MILR1: variants seen among roughly 807,000 people sequenced by gnomAD.
MILR1 encodes mast cell immunoglobulin like receptor 1.
Under a neutral mutation model 18.5 loss-of-function variants are expected in MILR1, and 31 were observed. The observed-to-expected ratio is 1.68, with a 90% CI of 1.26 to 2.26. MILR1 has a LOEUF of 2.26. Among genes scored for constraint, MILR1 ranks in the 30% most tolerant of loss-of-function variants. The pLI, the probability that MILR1 is intolerant of heterozygous loss-of-function variation, is 0.00. For missense variants in MILR1, 257 were observed against 157.4 expected (o/e 1.63, Z -3.38); for synonymous variants, 85 against 56.2 (o/e 1.51, Z -2.30).
At chr17:64,458,909 T>TG (rs2037361836) in intron 4 of MILR1, among the ~76,000 whole-genome samples, 2 of 152,018 alleles carry the variant, frequency 1.3e-5, no homozygotes, top group South Asian at 2.1e-4. Context: ...GAGCTGTTTA[T>TG]GGGGGGTGTG....
chr17:64,483,221 G>T, the MILR1 span, among the ~76,000 whole-genome samples: 4 of 152,112 alleles, frequency 2.6e-5, no homozygotes. Flanking sequence ...TTGGCAGAAA[G>T]AAATTAATTT....
downstream of MILR1, among the ~76,000 whole-genome samples, chr17:64,470,364 G>T (rs2037669098): frequency 6.6e-6 from 1 of 152,198 alleles, no homozygotes; most frequent in Admixed American, 6.5e-5. Context: ...AAAGTGCTGG[G>T]ATTACAGGCA....
chr17:64,455,620 A>AT (rs878942450), intron 3 of MILR1, among the ~76,000 whole-genome samples: 38,329 of 143,662 alleles, frequency 0.27, 5,066 homozygotes, highest in South Asian at 0.3. Flanking sequence ...CGCCTGGCTA[A>AT]TTTTTTTTTT....
chr17:64,460,818 C>G lies in MILR1; in HGVS notation c.653-4C>G. The G allele has an allele frequency of 2.1e-6, 1 of 475,016 alleles. No individual in the cohort carries two copies. Among genetic ancestry groups the G allele is most frequent in the Non-Finnish European group, 3.9e-6 (1 of 258,756 alleles). 29.4% of individuals were successfully genotyped at this position (475,016 alleles called of 1,614,324 possible). A position where few individuals can be genotyped will look rare whatever the true frequency, so the allele number is the denominator to read the frequency against. On this transcript the variant is annotated splice_polypyrimidine_tract_variant and splice_region_variant and intron_variant, in intron 4 of 9. Coordinates refer to ENST00000619286, the MANE Select transcript of MILR1 (RefSeq NM_001085423.2). Reference sequence around the variant, plus strand: ...GGTCACCAATGGATGCGGTCTTCTTCCAGGCGGAGACAGCTGTCCTTTCTG... The same window carrying G: ...GGTCACCAATGGATGCGGTCTTCTTGCAGGCGGAGACAGCTGTCCTTTCTG...
the MILR1 span, chr17:64,477,864 C>T: frequency 1.2e-4 from 193 of 1,610,222 alleles, 2 homozygotes; most frequent in South Asian, 1.8e-3. Context: ...ATCAAAAAGT[C>T]TTTTAATTTG....
intron 2 of MILR1, among the ~76,000 whole-genome samples, chr17:64,450,024 T>C (rs2037131252): frequency 6.6e-6 from 1 of 151,474 alleles, no homozygotes; most frequent in African/African-American, 2.4e-5. Context: ...CTGCAACCTC[T>C]GCCTCCCAGG....
intron 2 of MILR1, among the ~76,000 whole-genome samples, chr17:64,451,508 A>G (rs2037169579): frequency 6.6e-6 from 1 of 152,120 alleles, no homozygotes; most frequent in South Asian, 2.1e-4. Context: ...TTTAATTTGC[A>G]GTTGCCTCAT....
intron 2 of MILR1, 89 bp downstream of exon 2, chr17:64,449,444 T>G: frequency 2.4e-6 from 1 of 415,022 alleles, no homozygotes; most frequent in Non-Finnish European, 4.4e-6. Context: ...CATTCAAAAG[T>G]GTTTCTGAGC....
chr17:64,460,930 CAAGT>C lies in MILR1; in HGVS notation c.763+3_763+6del. The stretch of plus-strand genomic sequence containing the variant: ...TTTTGGGTACTGCCCAAATACAAAA[CAAGT>C]AAGTTCTTTTAGTCGCTTTACCACC... On this transcript the variant is annotated splice_donor_variant and coding_sequence_variant, in exon 5 of 10. Transcript: ENST00000619286. LOFTEE classifies it high-confidence loss of function. 2.1e-6 allele frequency: 1 copy of C among 474,466 alleles called. No homozygotes were observed. The highest frequency in any genetic ancestry group is 3.2e-5 in the Admixed American group (1 of 31,702). 29.4% of individuals were successfully genotyped at this position (474,466 alleles called of 1,614,324 possible).
chr17:64,454,128 C>T (rs1043886974), intron 3 of MILR1, among the ~76,000 whole-genome samples: 1 of 151,934 alleles, frequency 6.6e-6, no homozygotes, highest in African/African-American at 2.4e-5. Flanking sequence ...TGGGGTTTCA[C>T]CATGTTGACC....
At chr17:64,452,904 T>C (rs1438058409) in intron 3 of MILR1, 38 bp downstream of exon 3, 3 of 471,168 alleles carry the variant, frequency 6.4e-6, no homozygotes, top group Non-Finnish European at 1.2e-5. Flanking sequence ...CCCTATAATT[T>C]ATAGGGTGCT....
At chr17:64,453,340 A>G (rs2037217201) in intron 3 of MILR1, among the ~76,000 whole-genome samples, 1 of 152,062 alleles carries the variant, frequency 6.6e-6, no homozygotes, top group Admixed American at 6.6e-5. Context: ...AAATGCTGGG[A>G]TTACAGATGT....
intron 5 of MILR1, among the ~76,000 whole-genome samples, chr17:64,462,381 C>G (rs1485896062): frequency 6.6e-6 from 1 of 152,112 alleles, no homozygotes; most frequent in Non-Finnish European, 1.5e-5. Flanking sequence ...GAACAGTGTT[C>G]ATTTCGCACT....
In MILR1 at chr17:64,452,756, C is replaced by T. The variant is rs1340657666; in HGVS notation, c.257C>T (p.Ala86Val). ...ACCCAGGATGGAAAAGGTGAACCTGCGATTTTTAACCTAAGCATCACAGAA... is the reference window on the plus strand; with the variant it reads ...ACCCAGGATGGAAAAGGTGAACCTGTGATTTTTAACCTAAGCATCACAGAA... ...LGTQDGKGEP[A>V]IFNLSITEAH... The change falls in exon 3 of 10, where the codon GCG becomes GTG. Residue 86 changes from alanine to valine, a missense_variant. By Grantham distance (64) the Ala-to-Val change is moderately conservative. Transcript: ENST00000619286. The T allele has an allele frequency of 1.1e-4, 50 of 475,136 alleles. No homozygotes were observed. In the Admixed American group the frequency reaches 1.1e-3, roughly 10 times the overall value. 29.4% of individuals were successfully genotyped at this position (475,136 alleles called of 1,614,324 possible).
At chr17:64,483,350 C>A in the MILR1 span, among the ~76,000 whole-genome samples, 2 of 151,114 alleles carry the variant, frequency 1.3e-5, no homozygotes, top group African/African-American at 2.5e-5. Flanking sequence ...CTTCTCTCTA[C>A]CAAAAAAATA....
the MILR1 span, among the ~76,000 whole-genome samples, chr17:64,475,517 G>A: frequency 4.0e-5 from 6 of 151,298 alleles, no homozygotes; most frequent in Non-Finnish European, 8.8e-5. Context: ...GCATGGTGGC[G>A]CATGCCTGTA....
At chr17:64,484,863 C>G in the MILR1 span, among the ~76,000 whole-genome samples, 1 of 152,132 alleles carries the variant, frequency 6.6e-6, no homozygotes, top group Non-Finnish European at 1.5e-5. Context: ...CCCAGCTGAA[C>G]ACTCAACATT....
chr17:64,474,676 ATT>A, the MILR1 span, among the ~76,000 whole-genome samples: 2 of 150,640 alleles, frequency 1.3e-5, no homozygotes, highest in Non-Finnish European at 3.0e-5. Flanking sequence ...CATCTGGCCA[ATT>A]TTTTTTTCAG....
intron 3 of MILR1, among the ~76,000 whole-genome samples, chr17:64,453,986 G>A (rs1387204243): frequency 1.3e-5 from 2 of 151,986 alleles, no homozygotes; most frequent in Non-Finnish European, 1.5e-5. Flanking sequence ...CTGGAGTGCA[G>A]TGGTGCGATC....
Sources: allele counts gnomAD v4.1 joint callset (sites outside exome capture counted in the v4.1 genomes callset), GRCh38; gene constraint gnomAD v4.1.1; transcripts MANE v1.5; gene names NCBI Gene and HGNC (gene_info 2026-07-23, HGNC 2026-07-21).